Variants in KIAA0825 observed in about 807,000 individuals in gnomAD.
KIAA0825 encodes KIAA0825.
Under a neutral mutation model 147.6 loss-of-function variants are expected in KIAA0825, and 119 were observed. The ratio of observed to expected loss-of-function variants is 0.81; its 90% CI spans 0.69 to 0.94. The LOEUF is 0.94. KIAA0825 is among the 40% of genes least tolerant of loss of function. KIAA0825 has a pLI of 0.00. For synonymous variants in KIAA0825, 470 were observed against 518.1 expected (o/e 0.91, Z 1.26); for missense variants, 1,381 against 1,472.7 (o/e 0.94, Z 1.02).
At chr5:94,556,504 G>A (rs1004748290) in intron 2 of KIAA0825, among the ~76,000 whole-genome samples, 3 of 152,178 alleles carry the variant, frequency 2.0e-5, no homozygotes, top group Non-Finnish European at 4.4e-5. Context: ...TAAGTTCCAA[G>A]AGTTTAAAAA....
At chr5:94,472,048 T>G (rs1761268269) in intron 8 of KIAA0825, among the ~76,000 whole-genome samples, 1 of 152,210 alleles carries the variant, frequency 6.6e-6, no homozygotes, top group African/African-American at 2.4e-5. Context: ...AATATATCCT[T>G]GATATTGTAT....
intron 1 of KIAA0825, chr5:94,593,651 A>G (rs751388985): frequency 4.6e-6 from 2 of 431,988 alleles, no homozygotes; most frequent in Non-Finnish European, 8.8e-6. Context: ...GGAACAATGG[A>G]AGATATAGAA....
rs184724676 is a variant in KIAA0825 at position 94,450,274 on chromosome 5, T to C, written c.2357+2685A>G. Among the ~76,000 whole-genome samples the C allele has an allele frequency of 8.7e-5, 13 of 149,738 alleles. No individual in the cohort carries two copies. The Admixed American group carries it at 8.7e-4, about 10-fold the overall frequency. ...TGTACTTTTTTTTGTGCTCTAAATA[T>C]GGTAGTAGAGCATAGTTTAACACTT... On this transcript the variant is annotated intron_variant, in intron 13 of 20. Coordinates refer to ENST00000682413, the MANE Select transcript of KIAA0825 (RefSeq NM_001145678.3).
intron 10 of KIAA0825, among the ~76,000 whole-genome samples, chr5:94,469,735 T>G (rs1295920515): frequency 6.6e-6 from 1 of 152,156 alleles, no homozygotes; most frequent in Non-Finnish European, 1.5e-5. Context: ...CAGCTCAAAT[T>G]AAGTTATTTT....
chr5:94,471,318 T>C (rs1761193534), intron 9 of KIAA0825, 148 bp downstream of exon 9: 1 of 874,744 alleles, frequency 1.1e-6, no homozygotes, highest in Non-Finnish European at 1.7e-6. Flanking sequence ...TTTTGATATT[T>C]CCTAGTTAAG....
chr5:94,444,811 C>T (rs150935914), intron 13 of KIAA0825, among the ~76,000 whole-genome samples: 1,583 of 152,148 alleles, frequency 0.01, 14 homozygotes, highest in Non-Finnish European at 0.017. Context: ...AGGGAATAAG[C>T]AGATCTCAGT....
At chr5:94,495,742 C>T (rs1366941636) in intron 5 of KIAA0825, among the ~76,000 whole-genome samples, 1 of 152,166 alleles carries the variant, frequency 6.6e-6, no homozygotes, top group African/African-American at 2.4e-5. Flanking sequence ...GGATAAGAAA[C>T]TAATTGCAGA....
rs1372269522 is a variant in KIAA0825, at chr5:94,154,067, G to C, written c.3768C>G (p.His1256Gln). 5 of 1,551,708 alleles carry C rather than the reference G, an allele frequency of 3.2e-6. No individual in the cohort carries two copies. Among genetic ancestry groups the C allele is most frequent in the Admixed American group, 2.0e-5 (1 of 51,004 alleles). The change falls in exon 21 of 21, where the codon CAC (histidine) becomes CAG (glutamine). Residue 1256 changes from histidine to glutamine, a missense_variant. Physicochemically the swap from His to Gln is conservative, Grantham distance 24. Coordinates refer to ENST00000682413, the MANE Select transcript of KIAA0825 (RefSeq NM_001145678.3). ...TCTGTGGGGTGCAAATTTGTTTTAA[G>C]TGCTCCAGTATTGCTTTTTCTTCCT... The part of the protein sequence containing the change: ...LEEEEKAILE[H>Q]LKQICTPQNS...
intron 16 of KIAA0825, among the ~76,000 whole-genome samples, chr5:94,400,283 T>A (rs1562460153): frequency 1.3e-5 from 2 of 152,172 alleles, no homozygotes; most frequent in Non-Finnish European, 2.9e-5. Flanking sequence ...AACTTTCCAT[T>A]TGCAATATTT....
intron 20 of KIAA0825, among the ~76,000 whole-genome samples, chr5:94,207,984 G>C (rs1772361390): frequency 6.6e-6 from 1 of 152,128 alleles, no homozygotes; most frequent in Middle Eastern, 3.2e-3. Flanking sequence ...AGGGCATAAA[G>C]TTCCTGTGTT....
At chr5:94,331,763 GA>G (rs1781295026) in intron 20 of KIAA0825, among the ~76,000 whole-genome samples, 1 of 151,924 alleles carries the variant, frequency 6.6e-6, no homozygotes, top group South Asian at 2.1e-4. Flanking sequence ...GTGAAAAAAA[GA>G]AAAACTGCAA....
At chr5:94,226,218 A>C (rs570898361) in intron 20 of KIAA0825, among the ~76,000 whole-genome samples, 97 of 152,364 alleles carry the variant, frequency 6.4e-4, no homozygotes, top group African/African-American at 2.2e-3. Flanking sequence ...ATGAACAGAC[A>C]CTTCTCAAAA....
At chr5:94,157,096 T>A (rs528576965) in intron 20 of KIAA0825, among the ~76,000 whole-genome samples, 2 of 152,308 alleles carry the variant, frequency 1.3e-5, no homozygotes, top group African/African-American at 4.8e-5. Flanking sequence ...ATATTTAATA[T>A]CTGTGGTGGA....
chr5:94,541,375 C>T lies in KIAA0825; in HGVS notation c.-1-4248G>A, dbSNP rs531164284. Among the ~76,000 whole-genome samples the T allele has an allele frequency of 2.8e-4, 42 of 152,232 alleles. 1 individual carries two copies. In the South Asian group the frequency reaches 4.4e-3, roughly 16 times the overall value. On this transcript the variant is annotated intron_variant, in intron 2 of 20. Transcript: ENST00000682413. ...TGAGACTATTGAAAAACAGTCTACACGCAAGGCCTGTAAGGAAAGTAGAAT... is the reference window on the plus strand; with the variant it reads ...TGAGACTATTGAAAAACAGTCTACATGCAAGGCCTGTAAGGAAAGTAGAAT...
chr5:94,193,489 C>T (rs192721021), intron 20 of KIAA0825, among the ~76,000 whole-genome samples: 188 of 152,272 alleles, frequency 1.2e-3, no homozygotes, highest in African/African-American at 4.1e-3. Flanking sequence ...CAAATGGCAG[C>T]GCAGAGTTTT....
At chr5:94,548,792 C>A (rs1162963593) in intron 2 of KIAA0825, among the ~76,000 whole-genome samples, 2 of 152,024 alleles carry the variant, frequency 1.3e-5, no homozygotes, top group African/African-American at 4.8e-5. Context: ...TTGTATCAGA[C>A]AAAATAGATT....
chr5:94,344,674 G>T (rs1432126272), intron 20 of KIAA0825, among the ~76,000 whole-genome samples: 1 of 152,190 alleles, frequency 6.6e-6, no homozygotes, highest in Non-Finnish European at 1.5e-5. Flanking sequence ...GTTGTACATT[G>T]ATAGATAACT....
intron 20 of KIAA0825, among the ~76,000 whole-genome samples, chr5:94,157,904 C>T (rs80332167): frequency 2.3e-4 from 35 of 152,222 alleles, no homozygotes; most frequent in African/African-American, 8.2e-4. Flanking sequence ...GTCACAGAAG[C>T]AAATCTTGGG....
intron 2 of KIAA0825, among the ~76,000 whole-genome samples, chr5:94,556,231 T>TTTTGG (rs1420324634): frequency 6.6e-6 from 1 of 151,918 alleles, no homozygotes; most frequent in African/African-American, 2.4e-5. Context: ...TTTTGTTTTG[T>TTTTGG]TTTGGTTTGG....
Sources: allele counts gnomAD v4.1 joint callset (sites outside exome capture counted in the v4.1 genomes callset), GRCh38; gene constraint gnomAD v4.1.1; transcripts MANE v1.5; gene names NCBI Gene and HGNC (gene_info 2026-07-23, HGNC 2026-07-21).